Variants in DDX10 observed in about 807,000 individuals in gnomAD.
The protein encoded by DDX10 is DEAD-box helicase 10, also known as probable ATP-dependent RNA helicase DDX10.
Under a neutral mutation model 104.3 loss-of-function variants are expected in DDX10, and 74 were observed. That is an observed-to-expected ratio of 0.71 (90% confidence interval 0.59 to 0.86). The LOEUF (loss-of-function observed/expected upper bound fraction) is 0.86, where lower values mean the gene tolerates loss of function less well. Among genes scored for constraint, DDX10 ranks in the 40% least tolerant of loss-of-function variants. The pLI, the probability that DDX10 is intolerant of heterozygous loss-of-function variation, is 0.00. For missense variants in DDX10, 952 were observed against 1,040.0 expected (o/e 0.92, Z 1.16); for synonymous variants, 351 against 353.4 (o/e 0.99, Z 0.08).
chr11:108,694,332 G>A (rs1338190602), intron 9 of DDX10, among the ~76,000 whole-genome samples: 5 of 152,152 alleles, frequency 3.3e-5, no homozygotes, highest in Non-Finnish European at 5.9e-5. Context: ...TTTGTTCAAA[G>A]ATCCACAGAG....
intron 13 of DDX10, among the ~76,000 whole-genome samples, chr11:108,769,636 A>G (rs762812895): frequency 9.9e-5 from 15 of 151,884 alleles, no homozygotes; most frequent in Non-Finnish European, 1.6e-4. Context: ...TTTTTGTATA[A>G]TTTTGTATTA....
chr11:108,884,643 T>A (rs1449632875), intron 16 of DDX10, among the ~76,000 whole-genome samples: 1 of 152,252 alleles, frequency 6.6e-6, no homozygotes, highest in Non-Finnish European at 1.5e-5. Context: ...CTCTTCTTCC[T>A]TGGTTTCTCT....
chr11:108,669,355 C>T (rs2094214122), intron 1 of DDX10, among the ~76,000 whole-genome samples: 1 of 152,118 alleles, frequency 6.6e-6, no homozygotes, highest in Non-Finnish European at 1.5e-5. Flanking sequence ...CCTGTAATTC[C>T]AAAGTGCTGG....
At chr11:108,669,452 A>G (rs1034512160) in intron 1 of DDX10, among the ~76,000 whole-genome samples, 2 of 152,194 alleles carry the variant, frequency 1.3e-5, no homozygotes, top group Non-Finnish European at 2.9e-5. Flanking sequence ...AGGATGTTCT[A>G]GGTGGAGGGA....
intron 17 of DDX10, among the ~76,000 whole-genome samples, chr11:108,930,897 A>G (rs1369171195): frequency 6.6e-6 from 1 of 152,174 alleles, no homozygotes; most frequent in Non-Finnish European, 1.5e-5. Context: ...CTCAAAGTGA[A>G]GGTTCTTACC....
At chr11:108,680,250 T>C (rs1484160810) in intron 6 of DDX10, among the ~76,000 whole-genome samples, 1 of 152,250 alleles carries the variant, frequency 6.6e-6, no homozygotes, top group Non-Finnish European at 1.5e-5. Flanking sequence ...GGTCTTGCTC[T>C]GTCACCCAGG....
intron 13 of DDX10, among the ~76,000 whole-genome samples, chr11:108,835,901 G>A (rs926993431): frequency 6.6e-6 from 1 of 152,056 alleles, no homozygotes; most frequent in Non-Finnish European, 1.5e-5. Context: ...GGGAGATGGG[G>A]GTTTTCCTTT....
intron 16 of DDX10, among the ~76,000 whole-genome samples, chr11:108,856,498 A>C (rs2357224): frequency 0.52 from 79,108 of 151,684 alleles, 21,826 homozygotes; most frequent in Non-Finnish European, 0.62. Flanking sequence ...CAAAAAAAAA[A>C]CCTTAAAAAA....
At chr11:108,853,216 T>C (rs1862819062) in intron 16 of DDX10, among the ~76,000 whole-genome samples, 1 of 152,138 alleles carries the variant, frequency 6.6e-6, no homozygotes, top group African/African-American at 2.4e-5. Context: ...GCATATGCTT[T>C]AACGTGCAGG....
At chr11:108,868,035 T>C (rs542306490) in intron 16 of DDX10, among the ~76,000 whole-genome samples, 30 of 152,128 alleles carry the variant, frequency 2.0e-4, no homozygotes, top group Non-Finnish European at 4.0e-4. Flanking sequence ...ATATTGTAGC[T>C]TTGCATATAC....
In DDX10 at chr11:108,665,079, C is replaced by T. The variant is rs566456830; in HGVS notation, c.-75C>T. ...CGCATGCGCCTCTGTGCGTTTGTCC[C>T]ATGCTGGTTCCGTGAGTCTGGCCTT... On this transcript the variant is annotated 5_prime_UTR_variant, in exon 1 of 18. Coordinates refer to ENST00000322536, the MANE Select transcript of DDX10 (RefSeq NM_004398.4). 2.1e-6 allele frequency: 3 copies of T among 1,461,812 alleles called. No individual in the cohort carries two copies. Among genetic ancestry groups the T allele is most frequent in the South Asian group, 1.5e-5 (1 of 67,310 alleles). 90.6% of individuals were successfully genotyped at this position (1,461,812 alleles called of 1,614,324 possible). A position where few individuals can be genotyped will look rare whatever the true frequency, so the allele number is the denominator to read the frequency against.
At chr11:108,878,703 G>C (rs576533811) in intron 16 of DDX10, among the ~76,000 whole-genome samples, 4 of 152,092 alleles carry the variant, frequency 2.6e-5, no homozygotes, top group Non-Finnish European at 2.9e-5. Flanking sequence ...ATGAACTGCT[G>C]TGGTGAATAC....
chr11:108,852,834 A>C, intron 16 of DDX10, among the ~76,000 whole-genome samples: 1 of 152,228 alleles, frequency 6.6e-6, no homozygotes, highest in East Asian at 1.9e-4. Context: ...GAGAACATTT[A>C]GTAGAAATGA....
At chr11:108,689,142 TA>T in intron 7 of DDX10, 80 bp downstream of exon 7, 1 of 1,466,064 alleles carries the variant, frequency 6.8e-7, no homozygotes, top group Non-Finnish European at 9.5e-7. Flanking sequence ...CAAATTATTA[TA>T]TTGTACGAGA....
At chr11:108,884,423 CCTT>C (rs1863267686) in intron 16 of DDX10, among the ~76,000 whole-genome samples, 1 of 152,078 alleles carries the variant, frequency 6.6e-6, no homozygotes. Context: ...CCTCCTCCCT[CCTT>C]CGTTTCTCAC....
chr11:108,727,189 T>C (rs866682011), intron 13 of DDX10, among the ~76,000 whole-genome samples: 1 of 152,056 alleles, frequency 6.6e-6, no homozygotes, highest in Non-Finnish European at 1.5e-5. Flanking sequence ...GCTTTTTATA[T>C]GTTTTGCCAG....
chr11:108,675,528 C>T, intron 2 of DDX10, 68 bp from the exon 3 acceptor site: 1 of 1,537,636 alleles, frequency 6.5e-7, no homozygotes, highest in Non-Finnish European at 8.8e-7. Flanking sequence ...GGGGACACAA[C>T]TCACTTAGCC....
rs542103364 is a variant in DDX10, at chr11:108,779,537, G to A, written c.1965+56075G>A. 7.2e-5 allele frequency among the ~76,000 whole-genome samples: 11 copies of A among 152,130 alleles called. No homozygotes were observed. The South Asian group carries it at 2.3e-3, about 32-fold the overall frequency. ...AACATCACACACTGGGGCCTGCCGG[G>A]GGTGGTGGGAGGGGGAAGGATAGCA... On this transcript the variant is annotated intron_variant, in intron 13 of 17. Transcript: ENST00000322536.
chr11:108,938,581 T>C (rs1436580328), intron 17 of DDX10, among the ~76,000 whole-genome samples: 2 of 152,352 alleles, frequency 1.3e-5, no homozygotes, highest in South Asian at 2.1e-4. Flanking sequence ...CAATACTTTT[T>C]TTTAAGACCC....
Sources: gnomAD v4.1 joint callset for allele counts (sites outside exome capture counted in the v4.1 genomes callset) on GRCh38, gnomAD v4.1.1 for gene constraint, MANE v1.5 for transcripts, NCBI Gene and HGNC (gene_info 2026-07-23, HGNC 2026-07-21) for gene names.